The following CA10 variants were observed in gnomAD, a reference collection of about 807,000 sequenced individuals.
CA10 encodes carbonic anhydrase-related protein 10.
CA10 carries 14 observed loss-of-function variants against 44.2 expected under a neutral mutation model. The observed-to-expected ratio is 0.32, with a 90% CI of 0.21 to 0.50. The LOEUF is 0.50. Ranked by LOEUF, CA10 falls within the 20% of genes least tolerant of loss-of-function variation. The pLI, the probability that CA10 is intolerant of heterozygous loss-of-function variation, is 0.99. For synonymous variants in CA10, 159 were observed against 141.6 expected (o/e 1.12, Z -0.87); for missense variants, 350 against 409.7 (o/e 0.85, Z 1.26).
intron 1 of CA10, among the ~76,000 whole-genome samples, chr17:52,092,390 T>C (rs575264859): frequency 2.4e-4 from 37 of 152,326 alleles, no homozygotes; most frequent in African/African-American, 8.7e-4. Flanking sequence ...ATCAGGAAAC[T>C]GAAGCTTACA....
chr17:52,041,062 C>T (rs1430738048), intron 2 of CA10, among the ~76,000 whole-genome samples: 2 of 151,904 alleles, frequency 1.3e-5, no homozygotes, highest in African/African-American at 4.8e-5. Flanking sequence ...GCTAAATTAG[C>T]CTTAGAATGA....
intron 3 of CA10, among the ~76,000 whole-genome samples, chr17:51,872,980 T>C (rs1467127937): frequency 6.6e-6 from 1 of 152,230 alleles, no homozygotes; most frequent in Admixed American, 6.5e-5. Context: ...TTGAGAGATA[T>C]ATATCAACAA....
At chr17:51,635,278 C>T (rs141126890) in intron 7 of CA10, among the ~76,000 whole-genome samples, 2,748 of 151,968 alleles carry the variant, frequency 0.018, 59 homozygotes, top group East Asian at 0.091. Context: ...TTTGGGAGGT[C>T]GAGGCAAATG....
chr17:51,972,962 T>G (rs1256833565), intron 2 of CA10, among the ~76,000 whole-genome samples: 4 of 152,134 alleles, frequency 2.6e-5, no homozygotes, highest in African/African-American at 9.7e-5. Flanking sequence ...CAGGCTGATG[T>G]GGTCAAATTG....
chr17:51,984,725 A>G (rs1984770123), intron 2 of CA10, among the ~76,000 whole-genome samples: 1 of 151,980 alleles, frequency 6.6e-6, no homozygotes, highest in Non-Finnish European at 1.5e-5. Flanking sequence ...CAAGGCTACT[A>G]TGAACACCTT....
At chr17:52,099,008 C>A (rs1988472724) in intron 1 of CA10, among the ~76,000 whole-genome samples, 1 of 151,986 alleles carries the variant, frequency 6.6e-6, no homozygotes, top group Non-Finnish European at 1.5e-5. Context: ...AATAAATAAA[C>A]AAGAAGAATT....
At chr17:51,868,953 GA>G (rs1441425178) in intron 3 of CA10, among the ~76,000 whole-genome samples, 1 of 151,470 alleles carries the variant, frequency 6.6e-6, no homozygotes, top group Non-Finnish European at 1.5e-5. Context: ...ATAAAAAATG[GA>G]AAATCAAGAT....
At chr17:52,108,936 C>CT (rs34345532) in intron 1 of CA10, among the ~76,000 whole-genome samples, 7 of 151,716 alleles carry the variant, frequency 4.6e-5, no homozygotes, top group South Asian at 2.1e-4. Flanking sequence ...GAAGTACAAA[C>CT]TTTTTTTAAA....
intron 1 of CA10, among the ~76,000 whole-genome samples, chr17:52,101,524 G>A (rs1988539268): frequency 6.6e-6 from 1 of 152,198 alleles, no homozygotes; most frequent in Non-Finnish European, 1.5e-5. Flanking sequence ...TTTTGGACTT[G>A]CTAGATCCTC....
intron 2 of CA10, among the ~76,000 whole-genome samples, chr17:52,020,062 C>T (rs1409636034): frequency 6.6e-6 from 1 of 151,946 alleles, no homozygotes; most frequent in African/African-American, 2.4e-5. Context: ...TTTTGCTTTA[C>T]TGAAATTAAG....
chr17:52,057,239 G>T (rs1055046783), intron 2 of CA10, among the ~76,000 whole-genome samples: 1 of 151,972 alleles, frequency 6.6e-6, no homozygotes, highest in East Asian at 1.9e-4. Flanking sequence ...TACACTGAGG[G>T]TGCCTGCCCA....
chr17:52,072,347 C>T lies in CA10; in HGVS notation c.108G>A (p.Lys36=). 1 of 1,613,318 alleles carries T rather than the reference C, an allele frequency of 6.2e-7. No homozygotes were observed. The highest frequency in any genetic ancestry group is 8.5e-7 in the Non-Finnish European group (1 of 1,179,352). Residue 36 remains lysine, a synonymous_variant, in exon 2 of 9, where the codon AAG becomes AAA. Coordinates refer to ENST00000451037, the MANE Select transcript of CA10 (RefSeq NM_020178.5). ...PKIHEGWWAY[K]EVVQGSFVPV... ...GAACAAAGCTTCCCTGGACCACCTC[C>T]TTGTATGCCCACCAGCCTTCATGGA...
At chr17:51,668,181 G>A (rs1198409041) in intron 4 of CA10, among the ~76,000 whole-genome samples, 1 of 152,200 alleles carries the variant, frequency 6.6e-6, no homozygotes, top group Non-Finnish European at 1.5e-5. Context: ...CGGAGTCTGA[G>A]GCATTCCCAA....
At chr17:51,759,792 T>C (rs1033736354) in intron 3 of CA10, among the ~76,000 whole-genome samples, 2 of 152,044 alleles carry the variant, frequency 1.3e-5, no homozygotes, top group East Asian at 1.9e-4. Flanking sequence ...TACAGTAATA[T>C]AGAGTGACTT....
At chr17:51,778,277 C>T (rs188552803) in intron 3 of CA10, among the ~76,000 whole-genome samples, 9 of 152,192 alleles carry the variant, frequency 5.9e-5, no homozygotes, top group Admixed American at 2.6e-4. Context: ...GGGACAAAGC[C>T]GCTATTGGGC....
In CA10 at chr17:51,910,016, T is replaced by G. The variant is rs142347052; in HGVS notation, c.279+20974A>C. On this transcript the variant is annotated intron_variant, in intron 3 of 8. Transcript: ENST00000451037. ...TGCACTGCTTGCTTAATCTATCTGC[T>G]CCTCCTCTTATCGTCATCGTTTCTT... Among the ~76,000 whole-genome samples the G allele has an allele frequency of 9.1e-4, 138 of 152,202 alleles. 1 individual carries two copies. The East Asian group carries it at 0.025, about 28-fold the overall frequency.
intron 3 of CA10, among the ~76,000 whole-genome samples, chr17:51,760,651 A>G (rs1905192897): frequency 6.6e-6 from 1 of 152,198 alleles, no homozygotes; most frequent in Non-Finnish European, 1.5e-5. Flanking sequence ...AATAAACAGA[A>G]TCATTTTTAA....
chr17:51,713,539 G>A (rs1852284), intron 4 of CA10, among the ~76,000 whole-genome samples: 2 of 152,180 alleles, frequency 1.3e-5, no homozygotes, highest in African/African-American at 2.4e-5. Flanking sequence ...TGTCACTTAA[G>A]CCTAGGACCA....
intron 1 of CA10, among the ~76,000 whole-genome samples, chr17:52,098,318 T>C (rs922506308): frequency 6.6e-6 from 1 of 152,200 alleles, no homozygotes; most frequent in African/African-American, 2.4e-5. Context: ...TTGAAAAAAT[T>C]GTGGATATGA....
Sources: allele counts gnomAD v4.1 joint callset (sites outside exome capture counted in the v4.1 genomes callset), GRCh38; gene constraint gnomAD v4.1.1; transcripts MANE v1.5; gene names NCBI Gene and HGNC (gene_info 2026-07-23, HGNC 2026-07-21).